STAC: variants seen among roughly 807,000 people sequenced by gnomAD.
STAC encodes the protein SH3 and cysteine rich domain, also known as SH3 and cysteine-rich domain-containing protein.
Under a neutral mutation model 48.8 loss-of-function variants are expected in STAC, and 43 were observed. The observed-to-expected ratio is 0.88, with a 90% CI of 0.69 to 1.14. STAC has a LOEUF of 1.14. Among genes scored for constraint, STAC ranks in the 50% most tolerant of loss-of-function variants. STAC has a pLI of 0.00. For missense variants in STAC, 497 were observed against 504.0 expected (o/e 0.99, Z 0.13); for synonymous variants, 193 against 179.5 (o/e 1.07, Z -0.60).
chr3:36,391,928 C>A (rs140649293), intron 1 of STAC, among the ~76,000 whole-genome samples: 2 of 152,282 alleles, frequency 1.3e-5, no homozygotes, highest in Non-Finnish European at 2.9e-5. Flanking sequence ...CCCAGAACAC[C>A]CCAAGGCTCC....
At chr3:36,411,469 C>G (rs1024171668) in intron 1 of STAC, among the ~76,000 whole-genome samples, 1 of 152,198 alleles carries the variant, frequency 6.6e-6, no homozygotes, top group African/African-American at 2.4e-5. Flanking sequence ...CTCAAACACA[C>G]AGAATATATT....
rs1019769238 is a variant in STAC at position 36,417,866 on chromosome 3, T to C, written c.112-25498T>C. ...ATAATTATTTAAAAATCATTTTCCA[T>C]ATTTTCTTTGATGTTTAAGCTAATC... is the stretch of plus-strand genomic sequence containing the variant. On this transcript the variant is annotated intron_variant, in intron 1 of 10. Coordinates refer to ENST00000273183, the MANE Select transcript of STAC (RefSeq NM_003149.3). 3.3e-5 allele frequency among the ~76,000 whole-genome samples: 5 copies of C among 152,212 alleles called. No individual in the cohort carries two copies. The South Asian group carries it at 1.0e-3, about 31-fold the overall frequency.
At chr3:36,504,603 G>C (rs1304522808) in intron 7 of STAC, 146 bp downstream of exon 7, 5 of 659,344 alleles carry the variant, frequency 7.6e-6, no homozygotes, top group Non-Finnish European at 1.4e-5. Flanking sequence ...ACGTACCATA[G>C]CATGGAATAA....
In STAC at chr3:36,395,491, G is replaced by A. The variant is rs191383668; in HGVS notation, c.111+14737G>A. Among the ~76,000 whole-genome samples, 39 of 152,312 alleles carry A rather than the reference G, an allele frequency of 2.6e-4. No individual in the cohort carries two copies. In the East Asian group the frequency reaches 5.8e-3, roughly 23 times the overall value. ...CATCTTCACAGAGCCTGCACAAGAG[G>A]TGGAAGTTGGGATCAGGAGGTCCCT... On this transcript the variant is annotated intron_variant, in intron 1 of 10. Coordinates refer to ENST00000273183, the MANE Select transcript of STAC (RefSeq NM_003149.3).
Position 36,443,500 on chromosome 3 carries a change from C to G in STAC, c.248C>G (p.Ser83Cys), listed in dbSNP as rs531400843. 6.2e-7 allele frequency: 1 copy of G among 1,614,236 alleles called. No individual in the cohort carries two copies. Among genetic ancestry groups the G allele is most frequent in the Non-Finnish European group, 8.5e-7 (1 of 1,180,034 alleles). Residue 83 changes from serine (S) to cysteine (C), a missense_variant, in exon 2 of 11, where the codon TCC becomes TGC. Physicochemically the swap from Ser to Cys is moderately radical, Grantham distance 112 (BLOSUM62 -1). Coordinates refer to ENST00000273183, the MANE Select transcript of STAC (RefSeq NM_003149.3). The surrounding 1 kb of genome is among the most constrained non-coding windows in gnomAD (Gnocchi z 4.2). The stretch of plus-strand genomic sequence containing the variant: ...ATGGTGGCTGAGATCAGCCCCAGCT[C>G]CAGCCCACTCCCTGCTCCAGGAAGC... Reference protein sequence around the residue: ...AHMVAEISPSSSPLPAPGSLT... With the variant: ...AHMVAEISPSCSPLPAPGSLT...
At chr3:36,431,777 C>A (rs1183496557) in intron 1 of STAC, among the ~76,000 whole-genome samples, 1 of 152,156 alleles carries the variant, frequency 6.6e-6, no homozygotes, top group Non-Finnish European at 1.5e-5. Flanking sequence ...TTCCTCCCTG[C>A]TCTTTCTGGC....
chr3:36,476,041 C>T (rs1386433841), intron 2 of STAC, among the ~76,000 whole-genome samples: 2 of 152,248 alleles, frequency 1.3e-5, no homozygotes, highest in Non-Finnish European at 2.9e-5. Flanking sequence ...ATGCAGGCCT[C>T]CAGGAGTCAG....
At chr3:36,452,983 T>C (rs1260803172) in intron 2 of STAC, among the ~76,000 whole-genome samples, 1 of 152,134 alleles carries the variant, frequency 6.6e-6, no homozygotes, top group Non-Finnish European at 1.5e-5. Context: ...CCTATCCAGG[T>C]GATCAGACCG....
intron 2 of STAC, among the ~76,000 whole-genome samples, chr3:36,468,564 T>C (rs1697238409): frequency 6.6e-6 from 1 of 150,622 alleles, no homozygotes. Flanking sequence ...AATTGTTTTA[T>C]AAATGTGGGA....
chr3:36,545,306 C>T (rs1039826164), intron 10 of STAC, among the ~76,000 whole-genome samples: 2 of 152,240 alleles, frequency 1.3e-5, no homozygotes, highest in Non-Finnish European at 1.5e-5. Flanking sequence ...AGCTCCCAGG[C>T]GAACCAAGCT....
chr3:36,470,908 AC>A (rs1697315374), intron 2 of STAC, among the ~76,000 whole-genome samples: 1 of 152,202 alleles, frequency 6.6e-6, no homozygotes, highest in Non-Finnish European at 1.5e-5. Flanking sequence ...CACGTTACCT[AC>A]TTTTATGTTT....
intron 1 of STAC, among the ~76,000 whole-genome samples, chr3:36,401,039 G>T (rs370737424): frequency 1.3e-5 from 2 of 152,090 alleles, no homozygotes; most frequent in Non-Finnish European, 2.9e-5. Context: ...AAAGGATGTC[G>T]GCTTCATATG....
intron 10 of STAC, among the ~76,000 whole-genome samples, chr3:36,539,680 T>A (rs1699278539): frequency 6.6e-6 from 1 of 152,132 alleles, no homozygotes; most frequent in Non-Finnish European, 1.5e-5. Context: ...TTTCTTTGTG[T>A]CTCATTGCAT....
intron 10 of STAC, among the ~76,000 whole-genome samples, chr3:36,534,102 G>A (rs1699139113): frequency 6.6e-6 from 1 of 152,154 alleles, no homozygotes; most frequent in African/African-American, 2.4e-5. Flanking sequence ...TTCAAAATAT[G>A]CTTGTTAATT....
chr3:36,478,585 C>G (rs908580586), intron 2 of STAC, among the ~76,000 whole-genome samples: 1 of 152,132 alleles, frequency 6.6e-6, no homozygotes, highest in Admixed American at 6.5e-5. Flanking sequence ...GCCTCTGTCT[C>G]CTGGGTTCAA....
chr3:36,529,144 C>A, intron 10 of STAC, 159 bp downstream of exon 10: 2 of 765,904 alleles, frequency 2.6e-6, no homozygotes, highest in Non-Finnish European at 3.7e-6. Context: ...GTTGTAGGAG[C>A]TAAACATGCA....
chr3:36,483,460 C>G (rs1033331194), intron 3 of STAC, among the ~76,000 whole-genome samples: 1 of 152,168 alleles, frequency 6.6e-6, no homozygotes, highest in Non-Finnish European at 1.5e-5. Flanking sequence ...GTTGGTCACT[C>G]TAGTGCTTCC....
chr3:36,436,072 A>C (rs1700825628), intron 1 of STAC, among the ~76,000 whole-genome samples: 1 of 152,162 alleles, frequency 6.6e-6, no homozygotes, highest in Admixed American at 6.5e-5. Context: ...AATTACTCCC[A>C]AGGTATTACT....
chr3:36,501,831 T>C (rs537395127), intron 6 of STAC, among the ~76,000 whole-genome samples: 46 of 152,260 alleles, frequency 3.0e-4, no homozygotes, highest in African/African-American at 1.1e-3. Context: ...ATATACTGAC[T>C]TGAAACCCAA....
Sources: allele counts gnomAD v4.1 joint callset (sites outside exome capture counted in the v4.1 genomes callset), GRCh38; gene constraint gnomAD v4.1.1; non-coding constraint Gnocchi (gnomAD v3.1); transcripts MANE v1.5; gene names NCBI Gene and HGNC (gene_info 2026-07-23, HGNC 2026-07-21).